PCGF6: variants seen among roughly 807,000 people sequenced by gnomAD.
PCGF6 encodes polycomb group RING finger protein 6.
Under a neutral mutation model 45.5 loss-of-function variants are expected in PCGF6, and 24 were observed. The observed-to-expected ratio is 0.53, with a 90% CI of 0.38 to 0.74. The LOEUF is 0.74. Among genes scored for constraint, PCGF6 ranks in the 30% least tolerant of loss-of-function variants. The pLI is 0.00. For missense variants in PCGF6, 356 were observed against 443.2 expected (o/e 0.80, Z 1.77); for synonymous variants, 152 against 162.1 (o/e 0.94, Z 0.47).
intron 7 of PCGF6, among the ~76,000 whole-genome samples, chr10:103,331,394 ATT>A: frequency 6.6e-6 from 1 of 151,994 alleles, no homozygotes; most frequent in Non-Finnish European, 1.5e-5. Flanking sequence ...AGTAGCTGGG[ATT>A]ATAGGTGCCC....
intron 6 of PCGF6, among the ~76,000 whole-genome samples, chr10:103,335,430 C>T (rs937330275): frequency 6.6e-6 from 1 of 151,450 alleles, no homozygotes; most frequent in Admixed American, 6.6e-5. Flanking sequence ...GGCGTGATCT[C>T]GGCTCACTGC....
At chr10:103,326,957 A>C (rs925075009) in intron 7 of PCGF6, among the ~76,000 whole-genome samples, 4 of 152,176 alleles carry the variant, frequency 2.6e-5, no homozygotes, top group Admixed American at 2.0e-4. Context: ...CTTACACTTT[A>C]AAGACACAGA....
intron 1 of PCGF6, among the ~76,000 whole-genome samples, 193 bp from the exon 2 acceptor site, chr10:103,349,192 C>G (rs1313139571): frequency 6.6e-6 from 1 of 151,738 alleles, no homozygotes; most frequent in African/African-American, 2.4e-5. Context: ...GGATTACAGG[C>G]GCGCACAACC....
chr10:103,317,693 T>A (rs146065302), intron 8 of PCGF6, among the ~76,000 whole-genome samples: 1 of 151,560 alleles, frequency 6.6e-6, no homozygotes, highest in African/African-American at 2.4e-5. Context: ...TTAAAAAAAA[T>A]TGTAGAAAGT....
chr10:103,334,390 T>C (rs757265833), intron 6 of PCGF6, among the ~76,000 whole-genome samples: 17 of 152,124 alleles, frequency 1.1e-4, no homozygotes, highest in Non-Finnish European at 2.1e-4. Flanking sequence ...TAGGATCTAC[T>C]TTTAGCAATT....
At position 103,318,346 on chromosome 10, in the gene PCGF6, G is replaced by A. The variant is rs550121068; in HGVS notation, c.910-4074C>T. Among the ~76,000 whole-genome samples the A allele has an allele frequency of 1.2e-3, 185 of 151,616 alleles. 1 individual carries two copies. The highest frequency in any genetic ancestry group is 2.4e-3 in the Non-Finnish European group (162 of 67,936). ...TAATCCCAGCTACTCAGGAGGCTGA[G>A]GCAGGAGGATCACTCAAACCTGGGA... is the stretch of plus-strand genomic sequence containing the variant. On this transcript the variant is annotated intron_variant, in intron 8 of 9. Transcript: ENST00000369847.
At chr10:103,340,194 AAAAAATATAT>A (rs1215354350) in intron 6 of PCGF6, among the ~76,000 whole-genome samples, 12 of 106,568 alleles carry the variant, frequency 1.1e-4, no homozygotes, top group Non-Finnish European at 7.4e-5. Flanking sequence ...AAAAAAAAAA[AAAAAATATAT>A]ATATATATAT....
intron 6 of PCGF6, among the ~76,000 whole-genome samples, chr10:103,340,964 T>C (rs1166008919): frequency 6.6e-6 from 1 of 152,096 alleles, no homozygotes; most frequent in Non-Finnish European, 1.5e-5. Flanking sequence ...GCGCGGTGGC[T>C]CACGCCTGTA....
chr10:103,340,793 G>A (rs1253150250), intron 6 of PCGF6, among the ~76,000 whole-genome samples: 1 of 151,974 alleles, frequency 6.6e-6, no homozygotes, highest in Admixed American at 6.6e-5. Flanking sequence ...TGTAGAGACA[G>A]GGTTTTACCA....
chr10:103,337,782 C>CTGAGCATGGT (rs1564732456), intron 6 of PCGF6, among the ~76,000 whole-genome samples: 91 of 114,982 alleles, frequency 7.9e-4, no homozygotes, highest in Admixed American at 8.8e-4. Context: ...ACAAAATTAG[C>CTGAGCATGGT]GGCCGGGCGC....
chr10:103,312,235 T>C (rs747566373), intron 9 of PCGF6, among the ~76,000 whole-genome samples: 3 of 149,728 alleles, frequency 2.0e-5, no homozygotes, highest in Non-Finnish European at 4.4e-5. Flanking sequence ...CTATTAAAAA[T>C]ACAAAAAATT....
intron 7 of PCGF6, among the ~76,000 whole-genome samples, chr10:103,330,496 AT>A (rs2093236028): frequency 6.6e-6 from 1 of 152,232 alleles, no homozygotes; most frequent in Non-Finnish European, 1.5e-5. Context: ...TTAAAAAAAA[AT>A]CAACAGCTTT....
chr10:103,327,601 G>A (rs2093223598), intron 7 of PCGF6, among the ~76,000 whole-genome samples: 1 of 152,002 alleles, frequency 6.6e-6, no homozygotes, highest in Non-Finnish European at 1.5e-5. Context: ...GTGTACATGG[G>A]AGTTCATTAT....
chr10:103,329,571 G>A (rs1040389143), intron 7 of PCGF6, among the ~76,000 whole-genome samples: 5 of 151,812 alleles, frequency 3.3e-5, no homozygotes, highest in Non-Finnish European at 7.4e-5. Flanking sequence ...TCTGCCTCCC[G>A]AGTTCAAGCA....
chr10:103,317,662 G>A (rs1288594860), intron 8 of PCGF6, among the ~76,000 whole-genome samples: 1 of 151,594 alleles, frequency 6.6e-6, no homozygotes, highest in African/African-American at 2.4e-5. Flanking sequence ...TAAATAAAAA[G>A]ACAGGTATAT....
chr10:103,336,247 TA>T (rs930451064), intron 6 of PCGF6, among the ~76,000 whole-genome samples: 3 of 147,696 alleles, frequency 2.0e-5, no homozygotes, highest in Non-Finnish European at 1.5e-5. Flanking sequence ...AAAAAAAATT[TA>T]AAAAAAAATA....
chr10:103,339,828 C>A lies in PCGF6; in HGVS notation c.782+5196G>T, dbSNP rs867193402. 2.8e-3 allele frequency among the ~76,000 whole-genome samples: 340 copies of A among 120,868 alleles called. 9 individuals carry two copies. The highest frequency in any genetic ancestry group is 0.023 in the East Asian group (83 of 3,608). The allele number at this position is 120,868 out of a possible 152,430, so 79.3% of individuals were successfully genotyped here. On this transcript the variant is annotated intron_variant, in intron 6 of 9. Coordinates refer to ENST00000369847, the MANE Select transcript of PCGF6 (RefSeq NM_001011663.2). ...AAAAAAAAACACACACACACACACA[C>A]ACACACACACACACACACACACACA...
intron 9 of PCGF6, among the ~76,000 whole-genome samples, chr10:103,309,881 A>C (rs2093150712): frequency 6.6e-6 from 1 of 151,962 alleles, no homozygotes; most frequent in Non-Finnish European, 1.5e-5. Flanking sequence ...GGTTGAGGCT[A>C]CACTGAGCCA....
chr10:103,335,216 TAA>T (rs544057775), intron 6 of PCGF6, among the ~76,000 whole-genome samples: 1 of 142,290 alleles, frequency 7.0e-6, no homozygotes, highest in Admixed American at 7.1e-5. Flanking sequence ...CATGGCTAAT[TAA>T]AAAAAAAAAA....
Sources: allele counts gnomAD v4.1 joint callset (sites outside exome capture counted in the v4.1 genomes callset), GRCh38; gene constraint gnomAD v4.1.1; transcripts MANE v1.5; gene names NCBI Gene and HGNC (gene_info 2026-07-23, HGNC 2026-07-21).